The following PPM1A variants were observed in gnomAD, a reference collection of about 807,000 sequenced individuals.
The protein encoded by PPM1A is protein phosphatase 1A.
A neutral mutation model predicts 35.0 loss-of-function variants in PPM1A; 7 were observed. The ratio of observed to expected loss-of-function variants is 0.20; its 90% CI spans 0.11 to 0.38. The LOEUF (loss-of-function observed/expected upper bound fraction) is 0.38, where lower values mean the gene tolerates loss of function less well. PPM1A is among the 10% of genes least tolerant of loss of function. PPM1A has a pLI of 1.00. For synonymous variants in PPM1A, 153 were observed against 167.3 expected, an observed-to-expected ratio of 0.91 and a Z score of 0.66; for missense variants, 239 against 467.8, an observed-to-expected ratio of 0.51 and a Z score of 4.51.
chr14:60,276,938 G>T, intron 1 of PPM1A: 1 of 694,656 alleles, frequency 1.4e-6, no homozygotes, highest in South Asian at 3.0e-5. Context: ...GTTTTTAAAA[G>T]GTACAAAATG....
At chr14:60,255,320 C>T (rs865916227) in intron 1 of PPM1A, among the ~76,000 whole-genome samples, 8 of 150,448 alleles carry the variant, frequency 5.3e-5, no homozygotes, top group Middle Eastern at 3.4e-3. Context: ...TACAGGCGCC[C>T]GCTACCACGC....
At chr14:60,258,856 C>T (rs966387022) in intron 1 of PPM1A, among the ~76,000 whole-genome samples, 9 of 152,068 alleles carry the variant, frequency 5.9e-5, no homozygotes, top group Non-Finnish European at 8.8e-5. Context: ...TCTCTTTCCT[C>T]CTGGATCTTA....
At chr14:60,271,891 A>G (rs1382477304) in intron 1 of PPM1A, among the ~76,000 whole-genome samples, 2 of 152,136 alleles carry the variant, frequency 1.3e-5, no homozygotes, top group Non-Finnish European at 2.9e-5. Flanking sequence ...AACATTTTAT[A>G]CATTTCTCAG....
chr14:60,282,576 C>T lies in PPM1A; in HGVS notation c.-20-108C>T, dbSNP rs879107017. 132 of 1,351,600 alleles carry T rather than the reference C, an allele frequency of 9.8e-5. 1 individual carries two copies. Among genetic ancestry groups the T allele is most frequent in the South Asian group, 1.2e-4 (8 of 68,738 alleles). The allele number at this position is 1,351,600 out of a possible 1,614,324, so 83.7% of individuals were successfully genotyped here. A position where few individuals can be genotyped will look rare whatever the true frequency, so the allele number is the denominator to read the frequency against. ...AGCAACACAATGAATGTCTGCTTAT[C>T]GCGAGTTGTGAATTCCCGCATATCT... On this transcript the variant is annotated intron_variant, in intron 1 of 5. Coordinates refer to ENST00000395076, the MANE Select transcript of PPM1A (RefSeq NM_021003.5). The surrounding 1 kb of genome is among the most constrained non-coding windows in gnomAD (Gnocchi z 5.1).
At chr14:60,257,117 C>T (rs927854355) in intron 1 of PPM1A, among the ~76,000 whole-genome samples, 2 of 152,144 alleles carry the variant, frequency 1.3e-5, no homozygotes, top group African/African-American at 2.4e-5. Flanking sequence ...ACAAGCCATA[C>T]ACACTTTTTT....
chr14:60,269,420 G>A (rs912508851), intron 1 of PPM1A, among the ~76,000 whole-genome samples: 5 of 152,246 alleles, frequency 3.3e-5, no homozygotes, highest in African/African-American at 7.2e-5. Context: ...CTTGCTGGTC[G>A]TAGTATTCTT....
chr14:60,285,480 G>GCGTC, intron 2 of PPM1A, 144 bp from the exon 3 acceptor site: 1 of 820,236 alleles, frequency 1.2e-6, no homozygotes, highest in Non-Finnish European at 1.9e-6. Flanking sequence ...ACGCACGCAT[G>GCGTC]CGTGCACATA....
rs1887376989 is a variant in PPM1A, at chr14:60,289,317, A to G, written c.953-489A>G. Among the ~76,000 whole-genome samples the G allele has an allele frequency of 6.6e-6, 1 of 152,144 alleles. No individual in the cohort carries two copies. The highest frequency in any genetic ancestry group is 2.1e-4 in the South Asian group (1 of 4,832). ...TAAGTATCATTTTGCAAATATAAATATATACATAAAAATAATTGAGTTAGT... is the reference window on the plus strand; with the variant it reads ...TAAGTATCATTTTGCAAATATAAATGTATACATAAAAATAATTGAGTTAGT... On this transcript the variant is annotated intron_variant, in intron 3 of 5. Coordinates refer to ENST00000395076, the MANE Select transcript of PPM1A (RefSeq NM_021003.5). The surrounding 1 kb of genome is among the most constrained non-coding windows in gnomAD (Gnocchi z 4.1).
chr14:60,283,492 C>T lies in PPM1A; in HGVS notation c.789C>T (p.Asp263=). The change falls in exon 2 of 6, where the codon GAC becomes GAT. Residue 263 remains aspartate, a synonymous_variant. Transcript: ENST00000395076. This position sits in a 1 kb window ranked among gnomAD's most constrained non-coding sequence, Gnocchi z 6.3. The part of the protein sequence containing the change: ...FVRSRLEVTD[D]LEKVCNEVVD... ...GATCCAGACTTGAAGTCACTGATGA[C>T]CTTGAGAAAGTTTGCAATGAAGTAG... The T allele has an allele frequency of 6.2e-7, 1 of 1,613,554 alleles. No homozygotes were observed. The highest frequency in any genetic ancestry group is 8.5e-7 in the Non-Finnish European group (1 of 1,179,926).
chr14:60,247,627 C>CAAAAAAAAAA (rs58749853), upstream of PPM1A, among the ~76,000 whole-genome samples: 20 of 50,172 alleles, frequency 4.0e-4, no homozygotes, highest in African/African-American at 1.2e-3. Flanking sequence ...GACTCTGTCT[C>CAAAAAAAAAA]AAAAAAAAAA....
chr14:60,260,249 A>G (rs1883595514), intron 1 of PPM1A, among the ~76,000 whole-genome samples: 1 of 152,112 alleles, frequency 6.6e-6, no homozygotes, highest in Non-Finnish European at 1.5e-5. Flanking sequence ...ACTCAATAAC[A>G]GTTCAGTTGC....
intron 1 of PPM1A, among the ~76,000 whole-genome samples, chr14:60,269,663 C>G (rs1048849911): frequency 2.0e-5 from 3 of 152,046 alleles, no homozygotes; most frequent in Non-Finnish European, 4.4e-5. Context: ...ATTCTCCTAC[C>G]TCAACCTCCC....
rs146057810 is a variant in PPM1A at position 60,285,656 on chromosome 14, C to T, written c.867C>T (p.Ile289=). 1.9e-6 allele frequency: 3 copies of T among 1,613,800 alleles called. No individual in the cohort carries two copies. Among genetic ancestry groups the T allele is most frequent in the East Asian group, 2.2e-5 (1 of 44,856 alleles). The stretch of plus-strand genomic sequence containing the variant: ...GAGACAACATGAGTGTGATTTTGAT[C>T]TGTTTTCCAAATGCACCCAAAGTAT... ...GSRDNMSVIL[I]CFPNAPKVSP... Residue 289 remains isoleucine, a synonymous_variant, in exon 3 of 6, where the codon ATC becomes ATT. Coordinates refer to ENST00000395076, the MANE Select transcript of PPM1A (RefSeq NM_021003.5).
Position 60,282,950 on chromosome 14 carries a change from C to A in PPM1A, c.247C>A (p.Gln83Lys). ...TTTGTTAGATCACATCACCAATAAC[C>A]AGGATTTTAAAGGGTCTGCAGGAGC... Reference protein sequence around the residue: ...EHLLDHITNNQDFKGSAGAPS... With the variant: ...EHLLDHITNNKDFKGSAGAPS... Residue 83 changes from glutamine (Q) to lysine (K), a missense_variant, in exon 2 of 6, where the codon CAG becomes AAG. Gln to Lys is a moderately conservative substitution (Grantham distance 53). Around this residue, in one of 2 missense-constraint regions of PPM1A, gnomAD observed 175 missense variants for 389.2 expected, o/e 0.45. Coordinates refer to ENST00000395076, the MANE Select transcript of PPM1A (RefSeq NM_021003.5). This position sits in a 1 kb window ranked among gnomAD's most constrained non-coding sequence, Gnocchi z 5.1. 4 of 1,614,168 alleles carry A rather than the reference C, an allele frequency of 2.5e-6. No homozygotes were observed. The highest frequency in any genetic ancestry group is 3.4e-6 in the Non-Finnish European group (4 of 1,180,040).
chr14:60,245,882 C>G, upstream of PPM1A: 1 of 1,590,416 alleles, frequency 6.3e-7, no homozygotes, highest in Non-Finnish European at 8.6e-7. This position sits in a 1 kb window ranked among gnomAD's most constrained non-coding sequence, Gnocchi z 4.2. Context: ...GTAGCAGAAG[C>G]TACAATTTGT....
In PPM1A at chr14:60,282,825, C is replaced by T; in HGVS notation, c.122C>T (p.Thr41Met). The T allele has an allele frequency of 1.2e-6, 2 of 1,614,208 alleles. No homozygotes were observed. The highest frequency in any genetic ancestry group is 1.7e-6 in the Non-Finnish European group (2 of 1,180,040). ...GWRVEMEDAH[T>M]AVIGLPSGLE... ...CGTGTTGAAATGGAGGATGCACATA[C>T]GGCTGTGATCGGTTTGCCAAGTGGA... Residue 41 changes from threonine (T) to methionine (M), a missense_variant, in exon 2 of 6, where the codon ACG becomes ATG. Around this residue, in one of 2 missense-constraint regions of PPM1A, gnomAD observed 175 missense variants for 389.2 expected, o/e 0.45. Coordinates refer to ENST00000395076, the MANE Select transcript of PPM1A (RefSeq NM_021003.5). This position sits in a 1 kb window ranked among gnomAD's most constrained non-coding sequence, Gnocchi z 5.1.
rs922769357 is a variant in PPM1A at position 60,270,650 on chromosome 14, G to A, written c.-20-12034G>A. Among the ~76,000 whole-genome samples the A allele has an allele frequency of 7.4e-4, 112 of 152,088 alleles. 1 individual carries two copies. The highest frequency in any genetic ancestry group is 2.5e-3 in the African/African-American group (105 of 41,462). On this transcript the variant is annotated intron_variant, in intron 1 of 5. Coordinates refer to ENST00000395076, the MANE Select transcript of PPM1A (RefSeq NM_021003.5). ...TTCATTATTTTTGAGAGAAATGATAGGGATTTTGTCCTATTAACCTGTTAC... is the reference window on the plus strand; with the variant it reads ...TTCATTATTTTTGAGAGAAATGATAAGGATTTTGTCCTATTAACCTGTTAC...
intron 1 of PPM1A, among the ~76,000 whole-genome samples, chr14:60,256,541 A>G (rs952062349): frequency 6.6e-6 from 1 of 152,242 alleles, no homozygotes; most frequent in African/African-American, 2.4e-5. Context: ...GTTAGAGAAC[A>G]ATGCTAATGA....
At chr14:60,287,347 A>T (rs1320946330) in intron 3 of PPM1A, 1 of 983,610 alleles carries the variant, frequency 1.0e-6, no homozygotes. Context: ...GTGTTATTAT[A>T]CTTGTACCAT....
Sources: allele counts gnomAD v4.1 joint callset (sites outside exome capture counted in the v4.1 genomes callset), GRCh38; gene constraint gnomAD v4.1.1; regional missense constraint gnomAD v4.1.1; non-coding constraint Gnocchi (gnomAD v3.1); transcripts MANE v1.5; gene names NCBI Gene and HGNC (gene_info 2026-07-23, HGNC 2026-07-21).